Variants in TXNRD1 observed in about 807,000 individuals in gnomAD.
TXNRD1 encodes thioredoxin reductase 1.
Under a neutral mutation model 80.3 loss-of-function variants are expected in TXNRD1, and 57 were observed. The ratio of observed to expected loss-of-function variants is 0.71; its 90% CI spans 0.57 to 0.89. The LOEUF (loss-of-function observed/expected upper bound fraction) is 0.89. TXNRD1 is among the 40% of genes least tolerant of loss of function. TXNRD1 has a pLI of 0.00. For synonymous variants in TXNRD1, 291 were observed against 285.2 expected (o/e 1.02, Z -0.20); for missense variants, 730 against 803.0 (o/e 0.91, Z 1.10).
At position 104,264,888 on chromosome 12, in the gene TXNRD1, C is replaced by G. The variant is rs189482667; in HGVS notation, c.304+6809C>G. Reference sequence around the variant, plus strand: ...TGAACAATTCTAAGGTTCTAGAGCCCTTTAAATGGTGTGTACTAATTAATA... The same window carrying G: ...TGAACAATTCTAAGGTTCTAGAGCCGTTTAAATGGTGTGTACTAATTAATA... On this transcript the variant is annotated intron_variant, in intron 3 of 16. Coordinates refer to ENST00000525566, the MANE Select transcript of TXNRD1 (RefSeq NM_001093771.3). 3.9e-5 allele frequency among the ~76,000 whole-genome samples: 6 copies of G among 152,218 alleles called. No individual in the cohort carries two copies. In the East Asian group the frequency reaches 9.6e-4, roughly 24 times the overall value.
chr12:104,294,982 T>A (rs1355469788), intron 4 of TXNRD1, among the ~76,000 whole-genome samples: 1 of 152,204 alleles, frequency 6.6e-6, no homozygotes, highest in Non-Finnish European at 1.5e-5. Flanking sequence ...GCATTAGTAA[T>A]GTATCTGCTT....
chr12:104,290,913 T>A (rs2034179370), intron 4 of TXNRD1: 1 of 587,402 alleles, frequency 1.7e-6, no homozygotes, highest in Non-Finnish European at 3.0e-6. Context: ...TTTTATAAGC[T>A]TTGGAACTCA....
In TXNRD1 at chr12:104,215,846, C is replaced by G. The variant is rs1178895638; in HGVS notation, c.44C>G (p.Thr15Arg). Residue 15 changes from threonine (T) to arginine (R), a missense_variant, in exon 1 of 17, where the codon ACG (threonine) becomes AGG (arginine). Physicochemically the swap from Thr to Arg is moderately conservative, Grantham distance 71 (BLOSUM62 -1). Coordinates refer to ENST00000525566, the MANE Select transcript of TXNRD1 (RefSeq NM_001093771.3). ...EGKAVAAAAP[T>R]ELQTKGKNGD... ...AAGGCAGTGGCGGCGGCCGCCCCAACGGAGCTGCAGACGAAAGGCAAGAAC... is the reference window on the plus strand; with the variant it reads ...AAGGCAGTGGCGGCGGCCGCCCCAAGGGAGCTGCAGACGAAAGGCAAGAAC... 2 of 1,560,484 alleles carry G rather than the reference C, an allele frequency of 1.3e-6. No homozygotes were observed. The highest frequency in any genetic ancestry group is 2.4e-5 in the East Asian group (1 of 41,536).
intron 5 of TXNRD1, among the ~76,000 whole-genome samples, chr12:104,312,054 G>A (rs183975934): frequency 1.6e-4 from 24 of 151,878 alleles, no homozygotes; most frequent in African/African-American, 4.6e-4. Flanking sequence ...TGTGGAAATG[G>A]TCTGAAATTA....
chr12:104,259,330 A>C (rs1249754282), intron 3 of TXNRD1, among the ~76,000 whole-genome samples: 1 of 147,778 alleles, frequency 6.8e-6, no homozygotes, highest in Non-Finnish European at 1.5e-5. Flanking sequence ...ACACTGAGCC[A>C]AGATCGCACC....
chr12:104,219,000 G>A (rs766029499), intron 1 of TXNRD1, among the ~76,000 whole-genome samples: 7 of 152,218 alleles, frequency 4.6e-5, no homozygotes, highest in Non-Finnish European at 1.0e-4. Context: ...TTAGAGTGCA[G>A]TGGCATGAAT....
At chr12:104,305,276 T>G (rs1293389728) in intron 4 of TXNRD1, 1 of 170,888 alleles carries the variant, frequency 5.9e-6, no homozygotes, top group African/African-American at 2.4e-5. Flanking sequence ...TGTGATGCGT[T>G]GCTTTCTCTG....
intron 4 of TXNRD1, among the ~76,000 whole-genome samples, chr12:104,292,687 C>G (rs915517416): frequency 6.6e-6 from 1 of 152,140 alleles, no homozygotes; most frequent in Non-Finnish European, 1.5e-5. Flanking sequence ...AGCCACCACG[C>G]CCGGCTTGCC....
intron 4 of TXNRD1, among the ~76,000 whole-genome samples, chr12:104,292,647 G>A (rs1272073961): frequency 6.6e-6 from 1 of 151,950 alleles, no homozygotes; most frequent in Non-Finnish European, 1.5e-5. Flanking sequence ...CACCCACCTC[G>A]GCCTCCCAAA....
At chr12:104,329,064 T>C (rs2035865401) in intron 13 of TXNRD1, among the ~76,000 whole-genome samples, 1 of 152,204 alleles carries the variant, frequency 6.6e-6, no homozygotes, top group Non-Finnish European at 1.5e-5. Flanking sequence ...TTATTTGGGA[T>C]GTAGCATAAT....
chr12:104,332,837 C>A (rs1421906675), intron 14 of TXNRD1, among the ~76,000 whole-genome samples: 1 of 148,890 alleles, frequency 6.7e-6, no homozygotes, highest in Non-Finnish European at 1.5e-5. Flanking sequence ...AATTTTAATT[C>A]ATGAAGAGAT....
intron 16 of TXNRD1, among the ~76,000 whole-genome samples, chr12:104,339,948 GCA>G (rs959231687): frequency 1.3e-5 from 2 of 152,058 alleles, no homozygotes; most frequent in East Asian, 1.9e-4. Flanking sequence ...TTGCAAACAC[GCA>G]CACACACACA....
intron 4 of TXNRD1, among the ~76,000 whole-genome samples, chr12:104,310,559 C>T (rs1796030737): frequency 6.6e-6 from 1 of 151,930 alleles, no homozygotes; most frequent in Non-Finnish European, 1.5e-5. Context: ...AATATATCAC[C>T]AAAATATTGT....
At chr12:104,248,537 G>A (rs1044233726) in intron 1 of TXNRD1, among the ~76,000 whole-genome samples, 17 of 152,126 alleles carry the variant, frequency 1.1e-4, no homozygotes, top group African/African-American at 3.1e-4. Context: ...CAACTGCATC[G>A]CCTCCCAAAG....
chr12:104,303,963 C>G (rs745955695), intron 4 of TXNRD1: 120 of 1,602,320 alleles, frequency 7.5e-5, no homozygotes, highest in Non-Finnish European at 9.8e-5. Flanking sequence ...GTGAGGGCCG[C>G]GGGCTGCTCC....
At chr12:104,217,344 C>A (rs1282466351) in intron 1 of TXNRD1, among the ~76,000 whole-genome samples, 1 of 140,378 alleles carries the variant, frequency 7.1e-6, no homozygotes, top group Non-Finnish European at 1.5e-5. Context: ...TAGTTTCGCT[C>A]TCGTTGCCCA....
chr12:104,238,751 G>A (rs2032793123), intron 1 of TXNRD1, among the ~76,000 whole-genome samples: 2 of 152,022 alleles, frequency 1.3e-5, no homozygotes, highest in African/African-American at 4.8e-5. Flanking sequence ...ACTCAGTTGT[G>A]GTGTATAAAA....
At chr12:104,277,973 T>C (rs1213713078) in intron 3 of TXNRD1, among the ~76,000 whole-genome samples, 1 of 149,954 alleles carries the variant, frequency 6.7e-6, no homozygotes, top group East Asian at 2.0e-4. Flanking sequence ...GCCTCCCGGG[T>C]TCACTCCATT....
chr12:104,271,496 T>C (rs1250396879), intron 3 of TXNRD1, among the ~76,000 whole-genome samples: 1 of 152,086 alleles, frequency 6.6e-6, no homozygotes, highest in African/African-American at 2.4e-5. Flanking sequence ...AATGTTCTTA[T>C]AGGTTTTGGG....
Sources: allele counts gnomAD v4.1 joint callset (sites outside exome capture counted in the v4.1 genomes callset), GRCh38; gene constraint gnomAD v4.1.1; transcripts MANE v1.5; gene names NCBI Gene and HGNC (gene_info 2026-07-23, HGNC 2026-07-21).